Variants in SOBP observed in about 807,000 individuals in gnomAD.
SOBP encodes the protein sine oculis-binding protein homolog.
A neutral mutation model predicts 53.6 loss-of-function variants in SOBP; 4 were observed. The ratio of observed to expected loss-of-function variants is 0.07; its 90% CI spans 0.04 to 0.17. The LOEUF (loss-of-function observed/expected upper bound fraction) is 0.17, where lower values mean the gene tolerates loss of function less well. Ranked by LOEUF, SOBP falls within the 10% of genes least tolerant of loss-of-function variation. The probability of loss-of-function intolerance (pLI) is 1.00; values close to 1 mark genes in which losing one functional copy is unlikely to be tolerated. For synonymous variants in SOBP, 584 were observed against 522.6 expected (o/e 1.12, Z -1.60); for missense variants, 1,088 against 1,204.7 (o/e 0.90, Z 1.43).
intron 5 of SOBP, 117 bp from the exon 6 acceptor site, chr6:107,633,397 G>A: frequency 1.6e-6 from 2 of 1,258,892 alleles, no homozygotes; most frequent in Admixed American, 1.7e-5. Context: ...AAACAGTTCT[G>A]CCTGTTTGAG....
intron 6 of SOBP, among the ~76,000 whole-genome samples, chr6:107,651,696 CATAG>C (rs1771808006): frequency 6.6e-6 from 1 of 152,332 alleles, no homozygotes; most frequent in African/African-American, 2.4e-5. Context: ...CTAGGACTTT[CATAG>C]ATAGAGAGGA....
chr6:107,597,143 C>A (rs935374026), intron 5 of SOBP, among the ~76,000 whole-genome samples: 2 of 152,062 alleles, frequency 1.3e-5, no homozygotes, highest in African/African-American at 2.4e-5. Flanking sequence ...TTTTAAATGG[C>A]AAAACCAGAG....
At chr6:107,596,681 G>T (rs1469124391) in intron 5 of SOBP, among the ~76,000 whole-genome samples, 1 of 152,182 alleles carries the variant, frequency 6.6e-6, no homozygotes, top group Non-Finnish European at 1.5e-5. Flanking sequence ...ATTTTGGATT[G>T]CATGTCCATC....
At chr6:107,497,097 C>G (rs544362733) in intron 1 of SOBP, among the ~76,000 whole-genome samples, 1 of 152,144 alleles carries the variant, frequency 6.6e-6, no homozygotes, top group South Asian at 2.1e-4. Flanking sequence ...TTAATGAGTC[C>G]AATGATGCCT....
At chr6:107,570,628 C>A (rs1785047416) in intron 4 of SOBP, among the ~76,000 whole-genome samples, 2 of 152,204 alleles carry the variant, frequency 1.3e-5, no homozygotes. Flanking sequence ...GATGGGAAAC[C>A]AAGCCATGGG....
At chr6:107,509,573 A>G (rs371889895) in intron 3 of SOBP, among the ~76,000 whole-genome samples, 1 of 152,132 alleles carries the variant, frequency 6.6e-6, no homozygotes, top group African/African-American at 2.4e-5. Context: ...TATTTGAGCA[A>G]AGCAAACAGC....
Position 107,635,075 on chromosome 6 carries a change from A to AGCC in SOBP, c.2250_2252dup (p.Pro751dup), listed in dbSNP as rs541688197. On this transcript the variant is annotated inframe_insertion, in exon 6 of 7. Transcript: ENST00000317357. The surrounding 1 kb of genome is among the most constrained non-coding windows in gnomAD (Gnocchi z 4.5). ...AAGAGCGCGGAGCCGCCTCCCGAGC[A>AGCC]GCCGCCGCCGCCGCCGCCGCCCGCG... is the stretch of plus-strand genomic sequence containing the variant. 1.2e-3 allele frequency: 1,845 copies of AGCC among 1,564,964 alleles called. 7 individuals are homozygous for AGCC. The African/African-American group carries it at 0.017, about 14-fold the overall frequency.
chr6:107,622,036 T>G (rs748631216), intron 5 of SOBP, among the ~76,000 whole-genome samples: 1 of 152,150 alleles, frequency 6.6e-6, no homozygotes, highest in Non-Finnish European at 1.5e-5. Context: ...TAAGTAAGAG[T>G]AGAGTATAGG....
intron 6 of SOBP, among the ~76,000 whole-genome samples, chr6:107,655,350 G>A (rs994038341): frequency 2.6e-5 from 4 of 152,000 alleles, no homozygotes; most frequent in African/African-American, 7.3e-5. Flanking sequence ...CAACAAGGGG[G>A]CTGCCCTGAA....
Position 107,635,489 on chromosome 6 carries a change from G to C in SOBP, c.*3+20G>C, listed in dbSNP as rs1478153824. ...TAAAAGGTTTGTATGTCCGCCGGGC[G>C]CTCCTCCACACCAGCCAGTGCACCT... On this transcript the variant is annotated intron_variant, in intron 6 of 6. Transcript: ENST00000317357. The surrounding 1 kb of genome is among the most constrained non-coding windows in gnomAD (Gnocchi z 4.5). The C allele has an allele frequency of 1.2e-6, 2 of 1,611,160 alleles. No homozygotes were observed. Among genetic ancestry groups the C allele is most frequent in the Non-Finnish European group, 8.5e-7 (1 of 1,179,974 alleles).
At chr6:107,572,304 CTTT>C (rs5878919) in intron 4 of SOBP, among the ~76,000 whole-genome samples, 2 of 140,568 alleles carry the variant, frequency 1.4e-5, no homozygotes, top group Admixed American at 7.2e-5. Flanking sequence ...AATTTGCACA[CTTT>C]TTTTTTTTTT....
intron 6 of SOBP, among the ~76,000 whole-genome samples, chr6:107,649,025 A>T (rs61657120): frequency 0.046 from 7,033 of 152,028 alleles, 382 homozygotes; most frequent in East Asian, 0.16. Context: ...CAAAAAATTT[A>T]AAAATTAACT....
At chr6:107,513,343 C>CT (rs1783224784) in intron 3 of SOBP, among the ~76,000 whole-genome samples, 1 of 152,146 alleles carries the variant, frequency 6.6e-6, no homozygotes, top group African/African-American at 2.4e-5. Flanking sequence ...GAACTGGACT[C>CT]TAAGGAACCA....
chr6:107,643,225 G>A (rs1771404828), intron 6 of SOBP, among the ~76,000 whole-genome samples: 1 of 152,142 alleles, frequency 6.6e-6, no homozygotes, highest in Admixed American at 6.5e-5. Flanking sequence ...TGGGTGTTGT[G>A]GGAGCAAGAA....
At chr6:107,650,289 G>A (rs978251297) in intron 6 of SOBP, among the ~76,000 whole-genome samples, 7 of 152,150 alleles carry the variant, frequency 4.6e-5, no homozygotes. Flanking sequence ...CTCACCCTTG[G>A]CTCCCATACC....
intron 5 of SOBP, among the ~76,000 whole-genome samples, chr6:107,619,263 C>T (rs1413004999): frequency 6.6e-6 from 1 of 152,198 alleles, no homozygotes; most frequent in Non-Finnish European, 1.5e-5. Flanking sequence ...CTGGCCCCAT[C>T]TTATGCATCC....
At chr6:107,655,690 T>C (rs1387459363) in intron 6 of SOBP, among the ~76,000 whole-genome samples, 1 of 152,166 alleles carries the variant, frequency 6.6e-6, no homozygotes, top group African/African-American at 2.4e-5. Flanking sequence ...ATGATTATTA[T>C]AGTGTTTGGG....
intron 5 of SOBP, among the ~76,000 whole-genome samples, chr6:107,625,778 G>C (rs1770434597): frequency 6.6e-6 from 1 of 152,200 alleles, no homozygotes; most frequent in African/African-American, 2.4e-5. Flanking sequence ...CTTGATGTCT[G>C]CTTAGTTGTG....
At chr6:107,525,724 C>T (rs1783641591) in intron 3 of SOBP, among the ~76,000 whole-genome samples, 1 of 152,228 alleles carries the variant, frequency 6.6e-6, no homozygotes, top group Non-Finnish European at 1.5e-5. Flanking sequence ...CCCTTTTCCT[C>T]TGCAGCCATT....
Sources: allele counts gnomAD v4.1 joint callset (sites outside exome capture counted in the v4.1 genomes callset), GRCh38; gene constraint gnomAD v4.1.1; non-coding constraint Gnocchi (gnomAD v3.1); transcripts MANE v1.5; gene names NCBI Gene and HGNC (gene_info 2026-07-23, HGNC 2026-07-21).